GPC6: variants seen among roughly 807,000 people sequenced by gnomAD.
GPC6 encodes the protein glypican-6.
In GPC6, 14 loss-of-function variants were observed where a neutral mutation model predicts 55.2. The observed-to-expected ratio is 0.25, with a 90% CI of 0.17 to 0.40. The LOEUF is 0.40. Ranked by LOEUF, GPC6 falls within the 10% of genes least tolerant of loss-of-function variation. The pLI is 1.00. For missense variants in GPC6, 641 were observed against 708.5 expected, an observed-to-expected ratio of 0.90 and a Z score of 1.08; for synonymous variants, 278 against 259.6, an observed-to-expected ratio of 1.07 and a Z score of -0.68.
intron 3 of GPC6, among the ~76,000 whole-genome samples, chr13:93,885,557 C>A (rs1875273110): frequency 6.6e-6 from 1 of 151,884 alleles, no homozygotes; most frequent in African/African-American, 2.4e-5. Flanking sequence ...CATAATAATA[C>A]AAGGGACGTT....
At chr13:93,987,094 G>A (rs539062419) in intron 3 of GPC6, among the ~76,000 whole-genome samples, 10 of 152,090 alleles carry the variant, frequency 6.6e-5, no homozygotes, top group Middle Eastern at 3.4e-3. Context: ...TTGTGAAGTC[G>A]ACTAATACGC....
intron 3 of GPC6, among the ~76,000 whole-genome samples, chr13:93,989,495 T>C (rs1881192767): frequency 6.6e-6 from 1 of 152,166 alleles, no homozygotes; most frequent in South Asian, 2.1e-4. Context: ...TCTCCAGCAC[T>C]AGCCTCAGCC....
rs771145936 is a variant in GPC6, at chr13:94,027,737, A to G, written c.720A>G (p.Pro240=). ...TTGCAATAAATCTGCAGGTCAGCCC[A>G]ACCCCAGGGTGTATCCGTGCCCTCA... ...EVANRVSKVS[P]TPGCIRALMK... is the part of the protein sequence containing the mutation. The change falls in exon 4 of 9, where the codon CCA becomes CCG. Residue 240 remains proline (P), a synonymous_variant. Transcript: ENST00000377047. 1.9e-6 allele frequency: 3 copies of G among 1,614,014 alleles called. No homozygotes were observed. Among genetic ancestry groups the G allele is most frequent in the Non-Finnish European group, 2.5e-6 (3 of 1,179,960 alleles).
chr13:93,487,800 T>C (rs1000879242), intron 1 of GPC6, among the ~76,000 whole-genome samples: 5 of 152,208 alleles, frequency 3.3e-5, no homozygotes, highest in African/African-American at 7.2e-5. Context: ...CTTAAGCTTA[T>C]CAAAACCAAA....
chr13:93,755,114 G>A (rs1376285415), intron 2 of GPC6, among the ~76,000 whole-genome samples: 1 of 152,168 alleles, frequency 6.6e-6, no homozygotes, highest in Non-Finnish European at 1.5e-5. Context: ...TCAATCAACA[G>A]TTTCTAAACA....
chr13:94,004,401 A>T (rs765849975), intron 3 of GPC6, among the ~76,000 whole-genome samples: 1 of 152,038 alleles, frequency 6.6e-6, no homozygotes, highest in Non-Finnish European at 1.5e-5. Flanking sequence ...CGAGCCAGGC[A>T]CCACTCCAGT....
At chr13:93,653,102 G>C (rs1880490088) in intron 2 of GPC6, among the ~76,000 whole-genome samples, 1 of 152,164 alleles carries the variant, frequency 6.6e-6, no homozygotes. Flanking sequence ...CTTTTAGAGA[G>C]AGAACCAGAC....
At chr13:93,795,382 G>C (rs1397390071) in intron 2 of GPC6, among the ~76,000 whole-genome samples, 1 of 152,146 alleles carries the variant, frequency 6.6e-6, no homozygotes, top group Non-Finnish European at 1.5e-5. Context: ...TTATCAATTT[G>C]TTCCCTCAAC....
chr13:93,716,246 G>T (rs114017051), intron 2 of GPC6, among the ~76,000 whole-genome samples: 2 of 151,508 alleles, frequency 1.3e-5, no homozygotes, highest in African/African-American at 4.8e-5. Context: ...ATTTCAGAGC[G>T]TACACCTCCT....
intron 3 of GPC6, among the ~76,000 whole-genome samples, chr13:93,918,458 T>TA (rs35508835): frequency 5.5e-4 from 81 of 146,934 alleles, no homozygotes; most frequent in African/African-American, 1.4e-3. Context: ...AAAAGAAGGT[T>TA]AAAAAAAAAA....
At chr13:93,418,337 T>C (rs1876780981) in intron 1 of GPC6, among the ~76,000 whole-genome samples, 1 of 151,418 alleles carries the variant, frequency 6.6e-6, no homozygotes, top group Admixed American at 6.6e-5. Flanking sequence ...TATCATTAAC[T>C]ATACCCTATT....
At chr13:94,055,925 G>C (rs1051059354) in intron 4 of GPC6, among the ~76,000 whole-genome samples, 1 of 152,190 alleles carries the variant, frequency 6.6e-6, no homozygotes, top group Non-Finnish European at 1.5e-5. Flanking sequence ...AGAATTACAA[G>C]TGGGGAGGCT....
At chr13:93,605,160 T>TGG (rs1878186424) in intron 2 of GPC6, among the ~76,000 whole-genome samples, 3 of 152,204 alleles carry the variant, frequency 2.0e-5, no homozygotes, top group Admixed American at 2.0e-4. Context: ...AGTTGGTTTC[T>TGG]GCACAGATTA....
intron 2 of GPC6, among the ~76,000 whole-genome samples, chr13:93,788,487 A>C (rs1885883793): frequency 6.7e-6 from 1 of 150,236 alleles, no homozygotes; most frequent in Non-Finnish European, 1.5e-5. Context: ...AGGTTTTCTG[A>C]AATGCCCTAT....
At chr13:93,912,476 G>A (rs1877038552) in intron 3 of GPC6, among the ~76,000 whole-genome samples, 1 of 152,266 alleles carries the variant, frequency 6.6e-6, no homozygotes, top group African/African-American at 2.4e-5. Flanking sequence ...GGGTGCAGTG[G>A]CTCACGCCTG....
chr13:93,724,738 TACTG>T (rs910427325), intron 2 of GPC6, among the ~76,000 whole-genome samples: 3 of 152,032 alleles, frequency 2.0e-5, no homozygotes, highest in African/African-American at 7.2e-5. Context: ...TTGGATCACT[TACTG>T]AGATTTATTT....
At chr13:93,357,762 G>A (rs528437736) in intron 1 of GPC6, among the ~76,000 whole-genome samples, 1 of 152,302 alleles carries the variant, frequency 6.6e-6, no homozygotes, top group African/African-American at 2.4e-5. Context: ...TTGAGTCCAG[G>A]AGATTGAGGC....
chr13:94,148,642 G>T (rs922729689), intron 4 of GPC6, among the ~76,000 whole-genome samples: 1 of 152,098 alleles, frequency 6.6e-6, no homozygotes, highest in African/African-American at 2.4e-5. Context: ...TGACATTCTA[G>T]TTTAGGCATC....
At chr13:93,325,826 T>C (rs1487485776) in intron 1 of GPC6, among the ~76,000 whole-genome samples, 4 of 152,120 alleles carry the variant, frequency 2.6e-5, no homozygotes, top group African/African-American at 7.2e-5. Context: ...TATGTACTGA[T>C]AGGAGATGAA....
Sources: allele counts gnomAD v4.1 joint callset (sites outside exome capture counted in the v4.1 genomes callset), GRCh38; gene constraint gnomAD v4.1.1; transcripts MANE v1.5; gene names NCBI Gene and HGNC (gene_info 2026-07-23, HGNC 2026-07-21).